SLC47A1: variants seen among roughly 807,000 people sequenced by gnomAD.
The protein encoded by SLC47A1 is multidrug and toxin extrusion protein 1.
In SLC47A1, 58 loss-of-function variants were observed where a neutral mutation model predicts 65.8. The ratio of observed to expected loss-of-function variants is 0.88; its 90% confidence interval spans 0.71 to 1.10. SLC47A1 has a LOEUF of 1.10. SLC47A1 is among the 50% of genes least tolerant of loss of function. The probability of loss-of-function intolerance (pLI) is 0.00; values close to 1 mark genes in which losing one functional copy is unlikely to be tolerated. For synonymous variants in SLC47A1, 285 were observed against 295.0 expected (o/e 0.97, Z 0.35); for missense variants, 706 against 719.2 (o/e 0.98, Z 0.21).
At chr17:19,542,342 TC>T (rs1916170821) in intron 1 of SLC47A1, 50 bp from the exon 2 acceptor site, 2 of 1,423,962 alleles carry the variant, frequency 1.4e-6, no homozygotes, top group South Asian at 3.0e-5. Context: ...GCCCCAGGCT[TC>T]CCTGCAATGG....
intron 10 of SLC47A1, among the ~76,000 whole-genome samples, chr17:19,556,750 G>T (rs1916626192): frequency 6.6e-6 from 1 of 152,088 alleles, no homozygotes; most frequent in Admixed American, 6.6e-5. Flanking sequence ...TAGAGACAGG[G>T]TTTCACCATG....
intron 2 of SLC47A1, among the ~76,000 whole-genome samples, chr17:19,544,213 G>C (rs1206263526): frequency 6.6e-6 from 1 of 152,186 alleles, no homozygotes; most frequent in Non-Finnish European, 1.5e-5. Context: ...TGAAGTGCTG[G>C]GATTACAGGC....
rs1372166648 is a variant in SLC47A1 at position 19,558,467 on chromosome 17, C to T, written c.922-1721C>T. Among the ~76,000 whole-genome samples the T allele has an allele frequency of 2.1e-5, 3 of 145,966 alleles. No homozygotes were observed. The East Asian group carries it at 6.8e-4, about 33-fold the overall frequency. ...CTTGTTGGTGGTTGTTTTTATTTTA[C>T]TTATTTTTTTTTTTTTAAGACAGTG... On this transcript the variant is annotated intron_variant, in intron 10 of 16. Transcript: ENST00000270570.
rs778523645 is a variant in SLC47A1, at chr17:19,549,614, C to A, written c.456-21C>A. The A allele has an allele frequency of 3.1e-6, 5 of 1,613,190 alleles. No homozygotes were observed. The South Asian group carries it at 5.5e-5, about 18-fold the overall frequency. On this transcript the variant is annotated intron_variant, in intron 4 of 16. Transcript: ENST00000270570. ...AGGCCTCCATCACAGTTTTTGTTTT[C>A]TTTTTCTTTTCGTTATTTAGGCTTA...
intron 12 of SLC47A1, 104 bp from the exon 13 acceptor site, chr17:19,566,686 A>G: frequency 9.6e-7 from 1 of 1,039,454 alleles, no homozygotes; most frequent in South Asian, 1.4e-5. Flanking sequence ...CAGCCTCCCA[A>G]AGTGCTGAGA....
At chr17:19,537,174 C>T (rs1472386896) in intron 1 of SLC47A1, among the ~76,000 whole-genome samples, 1 of 152,228 alleles carries the variant, frequency 6.6e-6, no homozygotes, top group African/African-American at 2.4e-5. Flanking sequence ...GGTGGGATAG[C>T]CCAGGCCCCA....
At chr17:19,549,398 T>C (rs2453572) in intron 4 of SLC47A1, among the ~76,000 whole-genome samples, 27,650 of 151,882 alleles carry the variant, frequency 0.18, 2,667 homozygotes, top group East Asian at 0.4. Flanking sequence ...GGGGTTTTAC[T>C]ATGTTAGCCA....
intron 2 of SLC47A1, among the ~76,000 whole-genome samples, chr17:19,545,424 C>T (rs924151107): frequency 2.0e-5 from 3 of 152,062 alleles, no homozygotes; most frequent in Admixed American, 6.6e-5. Context: ...AAACGCCTGA[C>T]CTCGTGATCC....
In SLC47A1 at chr17:19,577,271, T is replaced by C. The variant is rs184470060; in HGVS notation, c.1487-56T>C. On this transcript the variant is annotated intron_variant, in intron 16 of 16. Transcript: ENST00000270570. ...CATATTCCTTTTATACATAGCCCTT[T>C]ATAAAAATGAAAAAAAAAATCCCTT... 2.2e-3 allele frequency: 3,561 copies of C among 1,590,200 alleles called. 57 individuals are homozygous for C. The South Asian group carries it at 0.025, about 11-fold the overall frequency.
intron 14 of SLC47A1, chr17:19,568,058 C>A (rs1452953926): frequency 1.3e-5 from 2 of 152,260 alleles, no homozygotes; most frequent in Non-Finnish European, 1.5e-5. Flanking sequence ...AACATATTGG[C>A]AGTTAATAAA....
At chr17:19,567,591 T>C (rs763259260) in intron 14 of SLC47A1, 22 of 267,124 alleles carry the variant, frequency 8.2e-5, no homozygotes, top group Non-Finnish European at 1.4e-4. Context: ...TTAGTGTGTT[T>C]CGTGCTGTTC....
Position 19,551,459 on chromosome 17 carries a change from G to T in SLC47A1, c.534G>T (p.Leu178Phe). ...TFLYMLQVKY[L>F]LNQGIVLPQI... The stretch of plus-strand genomic sequence containing the variant: ...TTTATATGTTACAAGTTAAATATTT[G>T]CTCAACCAGGTAATACTGACTGTTC... Residue 178 changes from leucine to phenylalanine, a missense_variant, in exon 6 of 17, where the codon TTG becomes TTT. Coordinates refer to ENST00000270570, the MANE Select transcript of SLC47A1 (RefSeq NM_018242.3). The T allele has an allele frequency of 6.2e-7, 1 of 1,609,880 alleles. No individual in the cohort carries two copies. The highest frequency in any genetic ancestry group is 8.5e-7 in the Non-Finnish European group (1 of 1,176,134).
At chr17:19,547,671 T>C (rs548898286) in intron 3 of SLC47A1, among the ~76,000 whole-genome samples, 112 of 150,062 alleles carry the variant, frequency 7.5e-4, no homozygotes, top group Non-Finnish European at 1.3e-3. Flanking sequence ...ACACCATCCT[T>C]CTCCTACCTA....
chr17:19,560,485 T>C lies in SLC47A1; in HGVS notation c.1098T>C (p.Thr366=), dbSNP rs1402690415. The C allele has an allele frequency of 6.2e-7, 1 of 1,614,168 alleles. No homozygotes were observed. The highest frequency in any genetic ancestry group is 1.7e-5 in the Admixed American group (1 of 60,026). The change falls in exon 12 of 17, where the codon ACT becomes ACC. Residue 366 remains threonine, a synonymous_variant. Transcript: ENST00000270570. ...AGGATCACGTGGGGTACATTTTTAC[T>C]ACCGACCGGTGAGTGCTAGGATTTT... is the stretch of plus-strand genomic sequence containing the variant. ...SCKDHVGYIF[T]TDRDIINLVA... is the part of the protein sequence containing the mutation.
chr17:19,565,806 C>T (rs1040555045), intron 12 of SLC47A1, among the ~76,000 whole-genome samples: 3 of 152,058 alleles, frequency 2.0e-5, no homozygotes, highest in South Asian at 2.1e-4. Flanking sequence ...TGGTCTCGAT[C>T]TCCTGACCTT....
chr17:19,567,269 A>G (rs750621709), intron 14 of SLC47A1, 41 bp downstream of exon 14: 2 of 1,612,596 alleles, frequency 1.2e-6, no homozygotes, highest in East Asian at 2.2e-5. Flanking sequence ...GCTGCTCACC[A>G]GCCCAGGAAA....
intron 2 of SLC47A1, 93 bp from the exon 3 acceptor site, chr17:19,546,342 G>A: frequency 1.6e-6 from 2 of 1,259,372 alleles, no homozygotes; most frequent in South Asian, 1.3e-5. Flanking sequence ...TGCTGAAGGA[G>A]GAGCTTTGCA....
At chr17:19,547,007 C>G (rs1383286821) in intron 3 of SLC47A1, 3 of 155,452 alleles carry the variant, frequency 1.9e-5, no homozygotes, top group Non-Finnish European at 4.3e-5. Context: ...TGTCACTGAA[C>G]CTGGAGCTGG....
At chr17:19,534,206 G>GA in intron 1 of SLC47A1, 132 bp downstream of exon 1, 1 of 1,218,476 alleles carries the variant, frequency 8.2e-7, no homozygotes, top group Non-Finnish European at 1.1e-6. Flanking sequence ...GGGGAGCATC[G>GA]TGCCAGGAGC....
Sources: allele counts gnomAD v4.1 joint callset (sites outside exome capture counted in the v4.1 genomes callset), GRCh38; gene constraint gnomAD v4.1.1; transcripts MANE v1.5; gene names NCBI Gene and HGNC (gene_info 2026-07-23, HGNC 2026-07-21).